DLGAP2: variants seen among roughly 807,000 people sequenced by gnomAD.
DLGAP2 encodes disks large-associated protein 2.
DLGAP2 carries 26 observed loss-of-function variants against 100.3 expected under a neutral mutation model. The observed-to-expected ratio is 0.26, with a 90% CI of 0.19 to 0.36. The LOEUF (loss-of-function observed/expected upper bound fraction) is 0.36. Ranked by LOEUF, DLGAP2 falls within the 10% of genes least tolerant of loss-of-function variation. DLGAP2 has a pLI of 1.00. For synonymous variants in DLGAP2, 886 were observed against 630.1 expected, an observed-to-expected ratio of 1.41 and a Z score of -6.08; for missense variants, 1,858 against 1,453.2, an observed-to-expected ratio of 1.28 and a Z score of -4.53.
At chr8:1,337,256 G>C (rs199544479) in intron 3 of DLGAP2, among the ~76,000 whole-genome samples, 22 of 88,708 alleles carry the variant, frequency 2.5e-4, no homozygotes, top group Middle Eastern at 7.5e-3. Context: ...GGTGATGATG[G>C]TGGTGATGAT....
At chr8:834,695 G>A (rs1366271827) in intron 1 of DLGAP2, among the ~76,000 whole-genome samples, 1 of 152,076 alleles carries the variant, frequency 6.6e-6, no homozygotes, top group African/African-American at 2.4e-5. Flanking sequence ...GGGGTCAAGT[G>A]GGTGCTATGC....
At chr8:1,596,829 C>T (rs964695557) in intron 6 of DLGAP2, among the ~76,000 whole-genome samples, 2 of 150,878 alleles carry the variant, frequency 1.3e-5, no homozygotes, top group Admixed American at 1.3e-4. Flanking sequence ...TGTAGGTTGC[C>T]TGATAGTTTC....
intron 2 of DLGAP2, among the ~76,000 whole-genome samples, chr8:1,164,726 C>T (rs541708900): frequency 4.3e-4 from 66 of 152,246 alleles, no homozygotes; most frequent in African/African-American, 1.5e-3. Flanking sequence ...TTTCTGACTC[C>T]TCCAGGCCCG....
chr8:1,537,735 AAGG>A (rs1801203650), intron 4 of DLGAP2, among the ~76,000 whole-genome samples: 1 of 51,988 alleles, frequency 1.9e-5, no homozygotes, highest in East Asian at 3.6e-4. Context: ...GGATGGAAGG[AAGG>A]AAGGAAGGAA....
intron 3 of DLGAP2, among the ~76,000 whole-genome samples, chr8:1,330,228 C>G (rs868742594): frequency 1.3e-4 from 20 of 151,122 alleles, no homozygotes; most frequent in Middle Eastern, 6.5e-3. Flanking sequence ...TTCACAGGGA[C>G]TGAGTTCTGG....
chr8:1,189,449 C>A (rs1797588298), intron 2 of DLGAP2, among the ~76,000 whole-genome samples: 1 of 152,164 alleles, frequency 6.6e-6, no homozygotes, highest in Admixed American at 6.5e-5. Flanking sequence ...GTGGTCACCA[C>A]CAAGAGACGT....
At chr8:1,630,763 G>A (rs1209331383) in intron 7 of DLGAP2, among the ~76,000 whole-genome samples, 2 of 152,132 alleles carry the variant, frequency 1.3e-5, no homozygotes, top group Admixed American at 1.3e-4. Flanking sequence ...AGCACAGGAA[G>A]GGAATTAAAA....
intron 2 of DLGAP2, among the ~76,000 whole-genome samples, chr8:981,511 C>T (rs1800330628): frequency 6.6e-6 from 1 of 152,120 alleles, no homozygotes; most frequent in Admixed American, 6.5e-5. Flanking sequence ...AAACTGTTTG[C>T]ACAGCAGCTG....
At chr8:944,080 A>G (rs531303107) in intron 2 of DLGAP2, among the ~76,000 whole-genome samples, 35 of 152,380 alleles carry the variant, frequency 2.3e-4, no homozygotes, top group East Asian at 1.5e-3. Context: ...ACTATATTGT[A>G]TAATTTGCCC....
At chr8:1,111,548 C>T in intron 2 of DLGAP2, among the ~76,000 whole-genome samples, 1 of 152,098 alleles carries the variant, frequency 6.6e-6, no homozygotes. Flanking sequence ...TGGTCCCCTC[C>T]CCGCTCCCAT....
intron 8 of DLGAP2, among the ~76,000 whole-genome samples, chr8:1,651,273 C>G (rs533261499): frequency 1.3e-5 from 2 of 152,308 alleles, no homozygotes; most frequent in South Asian, 2.1e-4. Flanking sequence ...TCTGTGTGTT[C>G]TGTGTGGCCC....
chr8:1,654,333 A>G (rs918546857), intron 8 of DLGAP2, among the ~76,000 whole-genome samples: 1 of 152,128 alleles, frequency 6.6e-6, no homozygotes, highest in Non-Finnish European at 1.5e-5. Flanking sequence ...TTCCTTTCAA[A>G]CATGTTTTCA....
chr8:1,072,046 G>A (rs910774125), intron 2 of DLGAP2, among the ~76,000 whole-genome samples: 7 of 152,192 alleles, frequency 4.6e-5, no homozygotes, highest in African/African-American at 1.2e-4. Flanking sequence ...GACACCACTC[G>A]GATCAGGGAG....
At chr8:888,378 T>A (rs1050285259) in intron 1 of DLGAP2, among the ~76,000 whole-genome samples, 16 of 152,192 alleles carry the variant, frequency 1.1e-4, no homozygotes, top group African/African-American at 3.9e-4. Context: ...GAAGCTTACT[T>A]CTGTCAATTT....
chr8:1,026,228 C>T (rs777390109), intron 2 of DLGAP2, among the ~76,000 whole-genome samples: 2 of 152,142 alleles, frequency 1.3e-5, no homozygotes, highest in African/African-American at 2.4e-5. Flanking sequence ...TTGGTGGAGA[C>T]GTTTGCCGTC....
chr8:745,770 A>G (rs1820602639), intron 1 of DLGAP2, among the ~76,000 whole-genome samples: 1 of 152,242 alleles, frequency 6.6e-6, no homozygotes. Context: ...CTAATTCTAT[A>G]AGAAGGTGTT....
chr8:1,286,154 G>A (rs1404223064), intron 3 of DLGAP2, among the ~76,000 whole-genome samples: 1 of 152,204 alleles, frequency 6.6e-6, no homozygotes, highest in African/African-American at 2.4e-5. Flanking sequence ...TAGTGATAGT[G>A]AGTTCTCACA....
intron 3 of DLGAP2, among the ~76,000 whole-genome samples, chr8:1,278,866 G>A (rs1306731094): frequency 2.0e-5 from 3 of 152,176 alleles, no homozygotes; most frequent in Non-Finnish European, 2.9e-5. Flanking sequence ...CTATGTGTAC[G>A]ACTTTTTGGA....
intron 4 of DLGAP2, among the ~76,000 whole-genome samples, chr8:1,531,235 C>CGTGT (rs529630124): frequency 0.12 from 16,247 of 140,064 alleles, 925 homozygotes; most frequent in Admixed American, 0.13. Context: ...TATTAGAGAG[C>CGTGT]GTGTGCGTGT....
Sources: allele counts gnomAD v4.1 joint callset (sites outside exome capture counted in the v4.1 genomes callset), GRCh38; gene constraint gnomAD v4.1.1; transcripts MANE v1.5; gene names NCBI Gene and HGNC (gene_info 2026-07-23, HGNC 2026-07-21).